STK39: variants seen among roughly 807,000 people sequenced by gnomAD.
The protein encoded by STK39 is STE20/SPS1-related proline-alanine-rich protein kinase.
Under a neutral mutation model 77.8 loss-of-function variants are expected in STK39, and 20 were observed. That is an observed-to-expected ratio of 0.26 (90% confidence interval 0.18 to 0.37). The LOEUF is 0.37. STK39 is among the 10% of genes least tolerant of loss of function. The pLI is 1.00. For synonymous variants in STK39, 246 were observed against 234.1 expected (o/e 1.05, Z -0.47); for missense variants, 479 against 656.5 (o/e 0.73, Z 2.95).
intron 16 of STK39, among the ~76,000 whole-genome samples, chr2:168,008,393 G>C (rs955658178): frequency 1.3e-5 from 2 of 152,148 alleles, no homozygotes; most frequent in African/African-American, 4.8e-5. Flanking sequence ...CCAGGGTTTT[G>C]GCCTGAGCAC....
intron 1 of STK39, among the ~76,000 whole-genome samples, chr2:168,201,714 C>T (rs2105675507): frequency 6.6e-6 from 1 of 152,228 alleles, no homozygotes; most frequent in South Asian, 2.1e-4. Flanking sequence ...TTCTGGTTCC[C>T]AAACCCTTCC....
intron 16 of STK39, among the ~76,000 whole-genome samples, chr2:167,967,857 T>C (rs1692202390): frequency 6.6e-6 from 1 of 152,190 alleles, no homozygotes; most frequent in Admixed American, 6.5e-5. Context: ...CCTAGGTGTA[T>C]TGTGTGATGC....
intron 10 of STK39, among the ~76,000 whole-genome samples, chr2:168,108,697 T>C (rs1473393515): frequency 2.6e-5 from 4 of 152,172 alleles, no homozygotes; most frequent in Non-Finnish European, 5.9e-5. Context: ...AAGAAATCTG[T>C]ACTAAACTCA....
intron 14 of STK39, among the ~76,000 whole-genome samples, chr2:168,044,554 C>G (rs1044342936): frequency 6.6e-6 from 1 of 152,092 alleles, no homozygotes; most frequent in African/African-American, 2.4e-5. Context: ...AGATCAGCCT[C>G]TAATAATTAT....
chr2:168,241,923 G>A (rs1277371299), intron 1 of STK39, among the ~76,000 whole-genome samples: 1 of 152,212 alleles, frequency 6.6e-6, no homozygotes, highest in Non-Finnish European at 1.5e-5. Context: ...CGCAGCGTCA[G>A]TGACCGCCAT....
intron 17 of STK39, 86 bp downstream of exon 17, chr2:167,964,574 CAG>C: frequency 8.2e-7 from 1 of 1,214,658 alleles, no homozygotes; most frequent in Non-Finnish European, 1.2e-6. Flanking sequence ...AGCAAAATTA[CAG>C]AGTAGGTTAT....
intron 1 of STK39, among the ~76,000 whole-genome samples, chr2:168,187,566 T>G (rs1181596767): frequency 6.6e-6 from 1 of 152,204 alleles, no homozygotes; most frequent in East Asian, 1.9e-4. Context: ...TCTTTGAAAC[T>G]GTGCCTAGCA....
At chr2:167,978,955 T>G (rs1683348540) in intron 16 of STK39, among the ~76,000 whole-genome samples, 1 of 152,200 alleles carries the variant, frequency 6.6e-6, no homozygotes, top group South Asian at 2.1e-4. Flanking sequence ...ATCATGATTA[T>G]TTTTTATTGA....
intron 16 of STK39, among the ~76,000 whole-genome samples, chr2:167,993,335 A>G (rs998751258): frequency 6.6e-6 from 1 of 152,214 alleles, no homozygotes; most frequent in Admixed American, 6.5e-5. Flanking sequence ...GGGGACTTCC[A>G]AGAGAGAAAC....
At chr2:168,180,074 C>T (rs1013552108) in intron 2 of STK39, among the ~76,000 whole-genome samples, 2 of 152,146 alleles carry the variant, frequency 1.3e-5, no homozygotes, top group African/African-American at 4.8e-5. Context: ...CAGCCAGGTG[C>T]GGTGGCTCAC....
chr2:167,982,673 C>T (rs1242183569), intron 16 of STK39, among the ~76,000 whole-genome samples: 1 of 152,140 alleles, frequency 6.6e-6, no homozygotes, highest in Non-Finnish European at 1.5e-5. Flanking sequence ...TCAGTCACTA[C>T]CCAACACTGA....
At chr2:168,171,912 A>T (rs970510244) in intron 2 of STK39, among the ~76,000 whole-genome samples, 1 of 133,928 alleles carries the variant, frequency 7.5e-6, no homozygotes, top group Non-Finnish European at 1.5e-5. Flanking sequence ...ACTGAGGCCA[A>T]TCAGGAACTG....
At chr2:168,022,556 G>T (rs1574400051) in intron 14 of STK39, among the ~76,000 whole-genome samples, 1 of 152,086 alleles carries the variant, frequency 6.6e-6, no homozygotes, top group Non-Finnish European at 1.5e-5. Context: ...ATTTGTCAGA[G>T]AAAAAAGAAA....
intron 12 of STK39, 88 bp from the exon 13 acceptor site, chr2:168,065,469 C>A: frequency 7.7e-7 from 1 of 1,306,458 alleles, no homozygotes; most frequent in Non-Finnish European, 1.1e-6. Context: ...TTATCAGACC[C>A]AATAATTTCC....
chr2:168,051,810 C>A (rs1186897620), intron 14 of STK39, among the ~76,000 whole-genome samples: 1 of 152,064 alleles, frequency 6.6e-6, no homozygotes, highest in African/African-American at 2.4e-5. Context: ...CTGACACTGA[C>A]TAGTCTTGCG....
chr2:168,133,108 C>A (rs577951389), intron 8 of STK39, among the ~76,000 whole-genome samples: 7 of 152,254 alleles, frequency 4.6e-5, no homozygotes, highest in African/African-American at 9.6e-5. Context: ...ACCATCCCCC[C>A]ACCAAAAATC....
At chr2:168,072,016 C>CGCCAAG (rs1685954497) in intron 12 of STK39, among the ~76,000 whole-genome samples, 1 of 151,978 alleles carries the variant, frequency 6.6e-6, no homozygotes, top group Admixed American at 6.5e-5. Context: ...CCTAAGTGCT[C>CGCCAAG]GCCAAGAAGG....
At chr2:168,180,555 T>G (rs999440878) in intron 2 of STK39, among the ~76,000 whole-genome samples, 1 of 152,138 alleles carries the variant, frequency 6.6e-6, no homozygotes, top group African/African-American at 2.4e-5. Context: ...AGAGCTGTTG[T>G]GTAACTCTAC....
At chr2:168,195,452 G>A (rs1030414110) in intron 1 of STK39, among the ~76,000 whole-genome samples, 2 of 152,092 alleles carry the variant, frequency 1.3e-5, no homozygotes, top group African/African-American at 4.8e-5. Context: ...CTCATTTGCT[G>A]CCAAGATAAT....
Sources: allele counts gnomAD v4.1 joint callset (sites outside exome capture counted in the v4.1 genomes callset), GRCh38; gene constraint gnomAD v4.1.1; transcripts MANE v1.5; gene names NCBI Gene and HGNC (gene_info 2026-07-23, HGNC 2026-07-21).